Variants in BTBD9 observed in about 807,000 individuals in gnomAD.
BTBD9 encodes BTB domain containing 9.
A neutral mutation model predicts 64.3 loss-of-function variants in BTBD9; 49 were observed. The ratio of observed to expected loss-of-function variants is 0.76; its 90% confidence interval spans 0.61 to 0.97. BTBD9 has a LOEUF of 0.97. BTBD9 is among the 50% of genes least tolerant of loss of function. The pLI is 0.00. For missense variants in BTBD9, 598 were observed against 762.1 expected, an observed-to-expected ratio of 0.78 and a Z score of 2.53; for synonymous variants, 260 against 274.7, an observed-to-expected ratio of 0.95 and a Z score of 0.53.
chr6:38,353,881 C>T (rs983441933), intron 6 of BTBD9, among the ~76,000 whole-genome samples: 9 of 152,268 alleles, frequency 5.9e-5, no homozygotes, highest in African/African-American at 2.2e-4. Context: ...CTGTAACATG[C>T]CTGCTACTTA....
At chr6:38,519,993 T>C (rs1417692523) in intron 6 of BTBD9, among the ~76,000 whole-genome samples, 2 of 151,982 alleles carry the variant, frequency 1.3e-5, no homozygotes, top group South Asian at 2.1e-4. Context: ...AAAAGAAAAA[T>C]AGTGACAATT....
intron 9 of BTBD9, among the ~76,000 whole-genome samples, chr6:38,219,959 G>A (rs1333316888): frequency 6.6e-6 from 1 of 152,140 alleles, no homozygotes; most frequent in Non-Finnish European, 1.5e-5. Flanking sequence ...ATGGTAATAT[G>A]GTATATCAGA....
At chr6:38,629,083 A>G (rs1361443075) in intron 1 of BTBD9, among the ~76,000 whole-genome samples, 3 of 152,206 alleles carry the variant, frequency 2.0e-5, no homozygotes, top group African/African-American at 4.8e-5. Context: ...ATTGAATAAC[A>G]TAAGAATCCA....
chr6:38,267,505 C>A (rs1212507835), intron 8 of BTBD9, among the ~76,000 whole-genome samples: 2 of 152,176 alleles, frequency 1.3e-5, no homozygotes, highest in Non-Finnish European at 2.9e-5. Flanking sequence ...TCCAGTGGCC[C>A]CTCCCTTCAG....
At chr6:38,632,305 A>G (rs903840214) in intron 1 of BTBD9, among the ~76,000 whole-genome samples, 2 of 152,254 alleles carry the variant, frequency 1.3e-5, no homozygotes, top group Non-Finnish European at 2.9e-5. Flanking sequence ...GTTACAGTCT[A>G]TATTTCCAGG....
chr6:38,639,272 T>C (rs748918091), intron 1 of BTBD9, among the ~76,000 whole-genome samples: 13 of 152,186 alleles, frequency 8.5e-5, no homozygotes, highest in Non-Finnish European at 1.8e-4. Flanking sequence ...CCCGGATCTA[T>C]ACTGACAGGT....
intron 9 of BTBD9, among the ~76,000 whole-genome samples, chr6:38,196,821 T>G (rs769428975): frequency 6.6e-6 from 1 of 152,150 alleles, no homozygotes; most frequent in African/African-American, 2.4e-5. Context: ...AATTTTTCCA[T>G]AGAAATAAAG....
At position 38,402,913 on chromosome 6, in the gene BTBD9, GA is replaced by G. The variant is rs528181593; in HGVS notation, c.1155-57821del. 50 of 671,688 alleles carry G rather than the reference GA, an allele frequency of 7.4e-5. No individual in the cohort carries two copies. In the Middle Eastern group the frequency reaches 7.6e-4, roughly 10 times the overall value. The allele number at this position is 671,688 out of a possible 1,614,324, so 41.6% of individuals were successfully genotyped here. A position where few individuals can be genotyped will look rare whatever the true frequency, so the allele number is the denominator to read the frequency against. ...TGAGACTCCATCTCCACTAAAATTA[GA>G]AAAAAAAATTAGCTGGACTTTGGTG... On this transcript the variant is annotated intron_variant, in intron 6 of 10. Coordinates refer to ENST00000481247, the MANE Select transcript of BTBD9 (RefSeq NM_001099272.2).
At chr6:38,606,777 T>C (rs780935605) in intron 1 of BTBD9, among the ~76,000 whole-genome samples, 1 of 152,192 alleles carries the variant, frequency 6.6e-6, no homozygotes, top group Non-Finnish European at 1.5e-5. Flanking sequence ...TTATTTAATA[T>C]TCAAAAAATT....
intron 6 of BTBD9, among the ~76,000 whole-genome samples, chr6:38,435,202 G>T (rs1035353675): frequency 4.7e-5 from 7 of 149,754 alleles, no homozygotes; most frequent in Admixed American, 4.7e-4. Context: ...TCGGGGGGTG[G>T]GGGGGAAGTT....
intron 9 of BTBD9, among the ~76,000 whole-genome samples, chr6:38,248,680 G>C (rs1764290240): frequency 6.6e-6 from 1 of 152,192 alleles, no homozygotes; most frequent in African/African-American, 2.4e-5. Flanking sequence ...ACAGGCCGTG[G>C]TGCTTTTGGG....
rs148490992 is a variant in BTBD9, at chr6:38,610,147, G to A, written c.-27-12026C>T. Among the ~76,000 whole-genome samples, 642 of 152,280 alleles carry A rather than the reference G, an allele frequency of 4.2e-3. 3 individuals carry two copies. Among genetic ancestry groups the A allele is most frequent in the African/African-American group, 0.015 (604 of 41,556 alleles). On this transcript the variant is annotated intron_variant, in intron 1 of 10. Transcript: ENST00000481247. ...CATCACATTATTTGACAAATATAAA[G>A]CCATCAAGTGTAGCAGAAATGTTGT...
At chr6:38,291,695 AG>A (rs1313097803) in intron 7 of BTBD9, among the ~76,000 whole-genome samples, 24 of 152,122 alleles carry the variant, frequency 1.6e-4, no homozygotes, top group Admixed American at 1.6e-3. Context: ...GAGAGTTTTT[AG>A]CATGAAGGGG....
intron 7 of BTBD9, among the ~76,000 whole-genome samples, chr6:38,342,190 A>C (rs2127588345): frequency 6.6e-6 from 1 of 152,236 alleles, no homozygotes; most frequent in Middle Eastern, 3.4e-3. Context: ...GCACTATGAA[A>C]AGAAGACCAG....
At chr6:38,401,862 A>T (rs1283926457) in intron 6 of BTBD9, among the ~76,000 whole-genome samples, 2 of 152,200 alleles carry the variant, frequency 1.3e-5, no homozygotes, top group African/African-American at 4.8e-5. Flanking sequence ...ATAGCAGCTT[A>T]ATGCCTGACA....
At chr6:38,327,848 T>C (rs939907283) in intron 7 of BTBD9, among the ~76,000 whole-genome samples, 6 of 152,210 alleles carry the variant, frequency 3.9e-5, no homozygotes, top group Admixed American at 3.9e-4. Context: ...CAACTCTTGG[T>C]TTATTCAGTA....
intron 6 of BTBD9, among the ~76,000 whole-genome samples, chr6:38,502,664 C>A (rs1042771104): frequency 1.3e-5 from 2 of 152,154 alleles, no homozygotes; most frequent in Admixed American, 1.3e-4. Context: ...CTTACTCTTG[C>A]GTAACACAGA....
At chr6:38,325,872 TATTCATTC>T (rs1763407143) in intron 7 of BTBD9, among the ~76,000 whole-genome samples, 1 of 152,186 alleles carries the variant, frequency 6.6e-6, no homozygotes. Flanking sequence ...TCATTCCACT[TATTCATTC>T]ATTCAACACT....
intron 6 of BTBD9, among the ~76,000 whole-genome samples, chr6:38,452,259 A>G (rs1377105313): frequency 1.3e-5 from 2 of 152,114 alleles, no homozygotes; most frequent in Non-Finnish European, 2.9e-5. Flanking sequence ...CTCAGTCCCC[A>G]AGAGTACACC....
Sources: gnomAD v4.1 joint callset for allele counts (sites outside exome capture counted in the v4.1 genomes callset) on GRCh38, gnomAD v4.1.1 for gene constraint, MANE v1.5 for transcripts, NCBI Gene and HGNC (gene_info 2026-07-23, HGNC 2026-07-21) for gene names.